Variants in CPED1 observed in about 807,000 individuals in gnomAD.
CPED1 encodes the protein cadherin like and PC-esterase domain containing 1, also known as cadherin-like and PC-esterase domain-containing protein 1.
CPED1 carries 114 observed loss-of-function variants against 128.2 expected under a neutral mutation model. The ratio of observed to expected loss-of-function variants is 0.89; its 90% confidence interval spans 0.76 to 1.04. The LOEUF (loss-of-function observed/expected upper bound fraction) is 1.04. Among genes scored for constraint, CPED1 ranks in the 50% least tolerant of loss-of-function variants. The pLI, the probability that CPED1 is intolerant of heterozygous loss-of-function variation, is 0.00. For synonymous variants in CPED1, 462 were observed against 426.7 expected, an observed-to-expected ratio of 1.08 and a Z score of -1.02; for missense variants, 1,211 against 1,207.1, an observed-to-expected ratio of 1.00 and a Z score of -0.05.
At chr7:121,121,633 G>A (rs377513009) in intron 7 of CPED1, among the ~76,000 whole-genome samples, 1 of 152,194 alleles carries the variant, frequency 6.6e-6, no homozygotes, top group African/African-American at 2.4e-5. Context: ...TTGATTGGAA[G>A]TGTTGATAAG....
intron 5 of CPED1, among the ~76,000 whole-genome samples, chr7:121,080,613 T>C (rs1277153361): frequency 6.6e-6 from 1 of 152,164 alleles, no homozygotes; most frequent in Non-Finnish European, 1.5e-5. Flanking sequence ...CCCTAAAATT[T>C]ACATACCTGC....
chr7:121,193,136 A>G (rs958569139), intron 16 of CPED1, among the ~76,000 whole-genome samples: 2 of 152,196 alleles, frequency 1.3e-5, no homozygotes, highest in Non-Finnish European at 2.9e-5. Context: ...ACGCAGAGAC[A>G]TGGAATTTTG....
Position 121,266,772 on chromosome 7 carries a change from C to T in CPED1, c.2597C>T (p.Ser866Phe), listed in dbSNP as rs148319751. The change falls in exon 20 of 23, where the codon TCC becomes TTC. Residue 866 changes from serine (S) to phenylalanine (F), a missense_variant. Ser to Phe is a radical substitution (Grantham distance 155, BLOSUM62 -2). Coordinates refer to ENST00000310396, the MANE Select transcript of CPED1 (RefSeq NM_024913.5). ...GTTGGTGGTGTTCAGTGGCTTAATT[C>T]CAATCACCTGCAAATTATTCACAAA... is the stretch of plus-strand genomic sequence containing the variant. Reference protein sequence around the residue: ...LVVGGVQWLNSNHLQIIHKVL... With the variant: ...LVVGGVQWLNFNHLQIIHKVL... The T allele has an allele frequency of 3.0e-4, 487 of 1,612,536 alleles. 6 individuals are homozygous for T. Among genetic ancestry groups the T allele is most frequent in the Non-Finnish European group, 5.6e-5 (66 of 1,179,058 alleles).
intron 21 of CPED1, among the ~76,000 whole-genome samples, chr7:121,268,689 A>C (rs1792179382): frequency 6.6e-6 from 1 of 151,996 alleles, no homozygotes; most frequent in African/African-American, 2.4e-5. Flanking sequence ...CACTGAGCTC[A>C]GTCAGGCTGA....
intron 22 of CPED1, among the ~76,000 whole-genome samples, chr7:121,289,549 A>G (rs1005751014): frequency 1.3e-5 from 2 of 152,130 alleles, no homozygotes; most frequent in African/African-American, 4.8e-5. Context: ...TCTCTTCCAA[A>G]TAGATATCAT....
intron 7 of CPED1, among the ~76,000 whole-genome samples, chr7:121,123,739 A>G (rs538631175): frequency 6.6e-6 from 1 of 152,312 alleles, no homozygotes; most frequent in African/African-American, 2.4e-5. Context: ...TAAAACATTA[A>G]CAGGACACTG....
At chr7:121,164,369 A>G (rs1196606962) in intron 16 of CPED1, among the ~76,000 whole-genome samples, 1 of 152,198 alleles carries the variant, frequency 6.6e-6, no homozygotes, top group Non-Finnish European at 1.5e-5. Context: ...CCTCCCCGAA[A>G]GACAGTAGGA....
intron 16 of CPED1, among the ~76,000 whole-genome samples, chr7:121,175,415 G>A (rs897781371): frequency 2.0e-5 from 3 of 151,986 alleles, no homozygotes; most frequent in Non-Finnish European, 4.4e-5. Context: ...TTCCCTTCAT[G>A]TTATAAACTG....
intron 3 of CPED1, among the ~76,000 whole-genome samples, chr7:121,044,316 A>G (rs566917225): frequency 3.9e-5 from 6 of 152,264 alleles, no homozygotes; most frequent in Non-Finnish European, 7.4e-5. Context: ...GGGACATTGA[A>G]GTGGGATTCA....
chr7:121,081,139 G>A (rs1199448951), intron 5 of CPED1, among the ~76,000 whole-genome samples: 1 of 152,098 alleles, frequency 6.6e-6, no homozygotes, highest in African/African-American at 2.4e-5. Context: ...AATATTAGTA[G>A]GATAAATGCA....
intron 6 of CPED1, among the ~76,000 whole-genome samples, chr7:121,099,617 C>T (rs1050300468): frequency 1.3e-5 from 2 of 152,178 alleles, no homozygotes; most frequent in African/African-American, 2.4e-5. Flanking sequence ...CCGCCTGTCT[C>T]GGCCTCCCAA....
At chr7:121,218,863 A>G (rs565539761) in intron 16 of CPED1, among the ~76,000 whole-genome samples, 2 of 152,238 alleles carry the variant, frequency 1.3e-5, no homozygotes, top group African/African-American at 4.8e-5. Flanking sequence ...AATCTAAAAA[A>G]TGACAAAAAA....
intron 18 of CPED1, among the ~76,000 whole-genome samples, chr7:121,250,933 T>C (rs1798656960): frequency 6.6e-6 from 1 of 151,826 alleles, no homozygotes. Flanking sequence ...TTCCAATCAA[T>C]AGAAAAAAAG....
chr7:120,996,733 T>A (rs561042102), intron 2 of CPED1, among the ~76,000 whole-genome samples: 1 of 152,212 alleles, frequency 6.6e-6, no homozygotes, highest in Non-Finnish European at 1.5e-5. Context: ...TAAGAGTTCA[T>A]CAGATTCCAA....
intron 22 of CPED1, among the ~76,000 whole-genome samples, chr7:121,286,169 A>G (rs1450033409): frequency 6.6e-6 from 1 of 152,134 alleles, no homozygotes; most frequent in African/African-American, 2.4e-5. Context: ...ATCTCCTGAG[A>G]ACTCACTCAC....
intron 14 of CPED1, among the ~76,000 whole-genome samples, chr7:121,138,791 T>G (rs1431742175): frequency 6.6e-5 from 10 of 152,074 alleles, no homozygotes; most frequent in African/African-American, 1.9e-4. Flanking sequence ...CTGTTTCTAT[T>G]CCCTTTGTGC....
At chr7:121,191,119 T>C (rs1188008428) in intron 16 of CPED1, among the ~76,000 whole-genome samples, 1 of 152,208 alleles carries the variant, frequency 6.6e-6, no homozygotes, top group Non-Finnish European at 1.5e-5. Flanking sequence ...TGTTCCAAAA[T>C]ATTAGAGGAT....
Position 121,133,805 on chromosome 7 carries a change from T to G in CPED1, c.1578-18T>G. On this transcript the variant is annotated intron_variant, in intron 12 of 22. Coordinates refer to ENST00000310396, the MANE Select transcript of CPED1 (RefSeq NM_024913.5). ...GTTCATTTCATTAATCCAGAGTTGT[T>G]TGGCATTGCATTTGCAGGAATTCTT... is the stretch of plus-strand genomic sequence containing the variant. 6.4e-7 allele frequency: 1 copy of G among 1,563,808 alleles called. No individual in the cohort carries two copies. Among genetic ancestry groups the G allele is most frequent in the Non-Finnish European group, 8.7e-7 (1 of 1,143,998 alleles).
At chr7:121,010,880 A>G (rs1028610410) in intron 2 of CPED1, among the ~76,000 whole-genome samples, 1 of 152,194 alleles carries the variant, frequency 6.6e-6, no homozygotes, top group Admixed American at 6.5e-5. Flanking sequence ...CAATTATAAC[A>G]TAAGTTTTAA....
Sources: gnomAD v4.1 joint callset for allele counts (sites outside exome capture counted in the v4.1 genomes callset) on GRCh38, gnomAD v4.1.1 for gene constraint, MANE v1.5 for transcripts, NCBI Gene and HGNC (gene_info 2026-07-23, HGNC 2026-07-21) for gene names.